The following IGSF10 variants were observed in gnomAD, a reference collection of about 807,000 sequenced individuals.
IGSF10 encodes calvaria mechanical force protein 608.
In IGSF10, 126 loss-of-function variants were observed where a neutral mutation model predicts 128.2. The observed-to-expected ratio is 0.98, with a 90% CI of 0.85 to 1.14. The LOEUF is 1.14. IGSF10 is among the 50% of genes most tolerant of loss of function. The pLI is 0.00. For synonymous variants in IGSF10, 1,185 were observed against 1,146.2 expected (o/e 1.03, Z -0.68); for missense variants, 3,295 against 3,149.8 (o/e 1.05, Z -1.10).
Position 151,436,653 on chromosome 3 carries a change from A to C in IGSF10, c.*36T>G, listed in dbSNP as rs374459934. 3.5e-6 allele frequency: 5 copies of C among 1,445,448 alleles called. No individual in the cohort carries two copies. In the African/African-American group the frequency reaches 7.1e-5, roughly 21 times the overall value. 89.5% of individuals were successfully genotyped at this position (1,445,448 alleles called of 1,614,324 possible). A position where few individuals can be genotyped will look rare whatever the true frequency, so the allele number is the denominator to read the frequency against. On this transcript the variant is annotated 3_prime_UTR_variant, in exon 8 of 8. Transcript: ENST00000282466. The stretch of plus-strand genomic sequence containing the variant: ...TGATTAAACTTCTTCCAAAAAATAA[A>C]TTCTGCCCAGATGTTGTTGACTTTA...
upstream of IGSF10, among the ~76,000 whole-genome samples, chr3:151,465,226 G>A (rs555718637): frequency 6.6e-6 from 1 of 152,318 alleles, no homozygotes; most frequent in Admixed American, 6.5e-5. Flanking sequence ...ATTTTTGTTA[G>A]TGACATCCAA....
the IGSF10 span, among the ~76,000 whole-genome samples, chr3:151,570,627 GAT>G: frequency 6.6e-6 from 1 of 152,146 alleles, no homozygotes; most frequent in Non-Finnish European, 1.5e-5. Context: ...GTAGATTCTG[GAT>G]ATGAGCCCTT....
chr3:151,604,241 T>C, the IGSF10 span, among the ~76,000 whole-genome samples: 2 of 152,126 alleles, frequency 1.3e-5, no homozygotes, highest in East Asian at 1.9e-4. Flanking sequence ...TAAATCTGTC[T>C]TGGTGATAAG....
At chr3:151,505,394 A>C in the IGSF10 span, among the ~76,000 whole-genome samples, 1 of 152,210 alleles carries the variant, frequency 6.6e-6, no homozygotes, top group Non-Finnish European at 1.5e-5. Flanking sequence ...TGATTTAGTT[A>C]TCTCTCACCA....
the IGSF10 span, among the ~76,000 whole-genome samples, chr3:151,503,634 C>T: frequency 6.6e-6 from 1 of 152,104 alleles, no homozygotes; most frequent in African/African-American, 2.4e-5. Flanking sequence ...AGTGGGTTCT[C>T]CTTTCCCACT....
chr3:151,451,729 A>G (rs953869977), intron 5 of IGSF10, among the ~76,000 whole-genome samples: 4 of 152,256 alleles, frequency 2.6e-5, no homozygotes, highest in African/African-American at 9.6e-5. Flanking sequence ...GTGCTATGAC[A>G]TATATTAAAT....
At chr3:151,581,270 C>T in the IGSF10 span, among the ~76,000 whole-genome samples, 2 of 152,196 alleles carry the variant, frequency 1.3e-5, no homozygotes, top group Non-Finnish European at 2.9e-5. Context: ...TAGACCCCAA[C>T]AGCTTTAACA....
intron 4 of IGSF10, 70 bp downstream of exon 4, chr3:151,456,956 G>A (rs1721823985): frequency 6.8e-7 from 1 of 1,476,184 alleles, no homozygotes; most frequent in Admixed American, 1.8e-5. Flanking sequence ...GAGATAGGCA[G>A]CCTTTGAAGG....
At chr3:151,563,454 G>A in the IGSF10 span, among the ~76,000 whole-genome samples, 1 of 152,128 alleles carries the variant, frequency 6.6e-6, no homozygotes, top group African/African-American at 2.4e-5. Flanking sequence ...AGAGAGTTCA[G>A]TTTTCCATGA....
the IGSF10 span, among the ~76,000 whole-genome samples, chr3:151,601,246 C>A: frequency 6.6e-6 from 1 of 151,976 alleles, no homozygotes; most frequent in Non-Finnish European, 1.5e-5. Context: ...AAGTTCAGAT[C>A]CAGGGTAGAG....
intron 7 of IGSF10, among the ~76,000 whole-genome samples, chr3:151,441,295 G>A (rs1247277637): frequency 6.6e-6 from 1 of 152,158 alleles, no homozygotes; most frequent in Non-Finnish European, 1.5e-5. Flanking sequence ...AGGTTTCCCA[G>A]AGTGGAAGAC....
rs1016473924 is a variant in IGSF10 at position 151,438,079 on chromosome 3, A to G, written c.6482T>C (p.Leu2161Pro). Residue 2161 changes from leucine (L) to proline (P), a missense_variant, in exon 8 of 8, where the codon CTT (leucine) becomes CCT (proline). Transcript: ENST00000282466. ...KRIKAGDTAV[L>P]DCEVTGDPKP... ...GGGATCCCCAGTGACCTCACAGTCA[A>G]GGACAGCTGTGTCTCCAGCTTTGAT... is the stretch of plus-strand genomic sequence containing the variant. The G allele has an allele frequency of 6.2e-7, 1 of 1,614,242 alleles. No individual in the cohort carries two copies. The highest frequency in any genetic ancestry group is 1.7e-5 in the Admixed American group (1 of 60,024).
the IGSF10 span, among the ~76,000 whole-genome samples, chr3:151,531,146 A>G: frequency 1.3e-5 from 2 of 152,190 alleles, no homozygotes; most frequent in Non-Finnish European, 2.9e-5. Flanking sequence ...TAACTATCCT[A>G]AATATATATG....
At chr3:151,591,792 T>C in the IGSF10 span, among the ~76,000 whole-genome samples, 2 of 152,146 alleles carry the variant, frequency 1.3e-5, no homozygotes, top group African/African-American at 4.8e-5. Context: ...AGAGGAAGAA[T>C]TTTGCTGTGC....
chr3:151,607,883 C>G, the IGSF10 span, among the ~76,000 whole-genome samples: 107 of 127,632 alleles, frequency 8.4e-4, no homozygotes, highest in African/African-American at 3.2e-3. Context: ...TGCACTCCAG[C>G]CTGGGCGACA....
At chr3:151,451,226 T>C (rs1324186381) in intron 5 of IGSF10, among the ~76,000 whole-genome samples, 1 of 150,810 alleles carries the variant, frequency 6.6e-6, no homozygotes, top group African/African-American at 2.4e-5. Context: ...CTGTTCCTTC[T>C]ATGTCCCGCA....
At chr3:151,455,069 A>G (rs1184679677) in intron 4 of IGSF10, among the ~76,000 whole-genome samples, 1 of 151,936 alleles carries the variant, frequency 6.6e-6, no homozygotes, top group Non-Finnish European at 1.5e-5. Flanking sequence ...TTGTGCAACC[A>G]TATCCACTGT....
chr3:151,543,086 T>G, the IGSF10 span, among the ~76,000 whole-genome samples: 2 of 152,200 alleles, frequency 1.3e-5, no homozygotes, highest in Admixed American at 6.5e-5. Context: ...ATATCAGAAT[T>G]TTGGTTTAAT....
Position 151,453,728 on chromosome 3 carries a change from G to C in IGSF10, c.371C>G (p.Thr124Ser). The change falls in exon 5 of 8, where the codon ACT becomes AGT. Residue 124 changes from threonine (T) to serine (S), a missense_variant. Coordinates refer to ENST00000282466, the MANE Select transcript of IGSF10 (RefSeq NM_178822.5). ...TGTCAAGCTCCTGAGGCCATAAAAA[G>C]TATCTTTCTGAAGTTTTCGGACTTT... Reference protein sequence around the residue: ...YNKVRKLQKDTFYGLRSLTRL... With the variant: ...YNKVRKLQKDSFYGLRSLTRL... 1 of 1,593,908 alleles carries C rather than the reference G, an allele frequency of 6.3e-7. No individual in the cohort carries two copies. The highest frequency in any genetic ancestry group is 8.6e-7 in the Non-Finnish European group (1 of 1,169,236).
Sources: gnomAD v4.1 joint callset for allele counts (sites outside exome capture counted in the v4.1 genomes callset) on GRCh38, gnomAD v4.1.1 for gene constraint, MANE v1.5 for transcripts, NCBI Gene and HGNC (gene_info 2026-07-23, HGNC 2026-07-21) for gene names.